The following OPN5 variants were observed in gnomAD, a reference collection of about 807,000 sequenced individuals.
OPN5 encodes opsin-5.
Under a neutral mutation model 41.7 loss-of-function variants are expected in OPN5, and 18 were observed. That is an observed-to-expected ratio of 0.43 (90% CI 0.30 to 0.64). OPN5 has a LOEUF of 0.64. Ranked by LOEUF, OPN5 falls within the 30% of genes least tolerant of loss-of-function variation. The pLI is 0.13. For missense variants in OPN5, 318 were observed against 434.5 expected (o/e 0.73, Z 2.38); for synonymous variants, 178 against 164.3 (o/e 1.08, Z -0.64).
At chr6:47,798,424 G>A (rs1009792201) in intron 4 of OPN5, among the ~76,000 whole-genome samples, 5 of 151,572 alleles carry the variant, frequency 3.3e-5, no homozygotes, top group Admixed American at 1.3e-4. Context: ...GTATTATTCC[G>A]CTTGACTTGG....
At chr6:47,824,318 G>T (rs1160875676) in exon 7 of OPN5, 1 of 367,570 alleles carries the variant, frequency 2.7e-6, no homozygotes, top group Admixed American at 4.0e-5. Context: ...TGTGAAAGCT[G>T]GCCTGAAAAG....
chr6:47,797,750 C>A (rs1018133065), intron 4 of OPN5, among the ~76,000 whole-genome samples: 1 of 152,204 alleles, frequency 6.6e-6, no homozygotes, highest in Non-Finnish European at 1.5e-5. Flanking sequence ...TTGGCCTTGA[C>A]ACTTTGTTGG....
At chr6:47,813,649 C>T (rs1762335616) in intron 6 of OPN5, among the ~76,000 whole-genome samples, 1 of 152,034 alleles carries the variant, frequency 6.6e-6, no homozygotes, top group Non-Finnish European at 1.5e-5. Flanking sequence ...GGATTGTCTG[C>T]ATGAGAGTGG....
At chr6:47,816,374 C>T (rs1581759669) in intron 6 of OPN5, among the ~76,000 whole-genome samples, 1 of 152,106 alleles carries the variant, frequency 6.6e-6, no homozygotes, top group African/African-American at 2.4e-5. Context: ...AATTGATTTG[C>T]ATATGTCTCT....
At chr6:47,792,246 T>G (rs1219706499) in intron 3 of OPN5, among the ~76,000 whole-genome samples, 1 of 152,216 alleles carries the variant, frequency 6.6e-6, no homozygotes, top group African/African-American at 2.4e-5. Flanking sequence ...TGTGTAAGCT[T>G]CCATCATGTT....
At chr6:47,786,709 T>C (rs1773203886) in intron 2 of OPN5, 75 bp downstream of exon 2, 2 of 1,309,886 alleles carry the variant, frequency 1.5e-6, no homozygotes, top group Admixed American at 3.7e-5. Context: ...GTCTCAAACG[T>C]CACCCCCTGA....
exon 4 of OPN5, chr6:47,795,286 C>T (rs764483406): frequency 3.1e-6 from 5 of 1,613,408 alleles, no homozygotes; most frequent in African/African-American, 1.3e-5. Flanking sequence ...TGGGCCTATG[C>T]TTCCTTCTGG....
At chr6:47,786,493 G>A (rs778981754) in intron 1 of OPN5, 22 bp from the exon 2 acceptor site, 2 of 1,594,830 alleles carry the variant, frequency 1.3e-6, no homozygotes, top group Non-Finnish European at 1.7e-6. Context: ...TTAACGATTG[G>A]AATTTTTATT....
At chr6:47,792,600 A>G (rs1773413249) in intron 3 of OPN5, among the ~76,000 whole-genome samples, 1 of 152,240 alleles carries the variant, frequency 6.6e-6, no homozygotes, top group Non-Finnish European at 1.5e-5. Flanking sequence ...TGATTAGACC[A>G]TTCTACAGGT....
At chr6:47,795,192 A>G in intron 3 of OPN5, 37 bp from the exon 4 acceptor site, 1 of 1,466,156 alleles carries the variant, frequency 6.8e-7, no homozygotes, top group Non-Finnish European at 9.2e-7. Flanking sequence ...GGTGTAGGGC[A>G]GATTACATCC....
chr6:47,813,113 C>CAAAAAA (rs1341179581), intron 6 of OPN5, among the ~76,000 whole-genome samples: 48 of 114,576 alleles, frequency 4.2e-4, no homozygotes, highest in African/African-American at 1.3e-3. Context: ...ACAACAACAA[C>CAAAAAA]AAGCAACAAC....
At chr6:47,788,788 G>A (rs2113951478) in intron 2 of OPN5, among the ~76,000 whole-genome samples, 1 of 102,706 alleles carries the variant, frequency 9.7e-6, no homozygotes, top group Non-Finnish European at 1.8e-5. Flanking sequence ...ATAAAGTCGT[G>A]TTATATTAGG....
intron 1 of OPN5, among the ~76,000 whole-genome samples, chr6:47,785,690 CT>C (rs1263106333): frequency 6.6e-6 from 1 of 152,270 alleles, no homozygotes; most frequent in East Asian, 1.9e-4. Context: ...GGGATTGGGT[CT>C]TTTTGGATTT....
In OPN5 at chr6:47,799,196, GTATATA is replaced by G. The variant is rs377613785; in HGVS notation, c.756+3650_756+3655del. Among the ~76,000 whole-genome samples the G allele has an allele frequency of 6.1e-5, 9 of 146,732 alleles. No individual in the cohort carries two copies. The South Asian group carries it at 8.6e-4, about 14-fold the overall frequency. On this transcript the variant is annotated intron_variant, in intron 4 of 6. Coordinates refer to ENST00000371211, the Ensembl canonical transcript of OPN5. ...CACAGGCTATAAACAGAGGTGTGAT[GTATATA>G]TATATATATATATATACACACACAC...
chr6:47,803,806 C>T (rs1020563330), intron 4 of OPN5, among the ~76,000 whole-genome samples: 5 of 152,160 alleles, frequency 3.3e-5, no homozygotes, highest in Non-Finnish European at 7.4e-5. Context: ...AGAAAATCAG[C>T]GATTCTGCCC....
rs115645443 is a variant in OPN5 at position 47,822,311 on chromosome 6, A to G, written c.1057-1672A>G. Among the ~76,000 whole-genome samples the G allele has an allele frequency of 8.6e-3, 1,308 of 152,288 alleles. 9 individuals carry two copies. Among genetic ancestry groups the G allele is most frequent in the Non-Finnish European group, 0.013 (902 of 68,016 alleles). ...TTTTGGAAGTAGTTTGGAAATAAAC[A>G]TGGACAAGAGTTTGTTATTCATTGA... On this transcript the variant is annotated intron_variant, in intron 6 of 6. Coordinates refer to ENST00000371211, the Ensembl canonical transcript of OPN5.
intron 4 of OPN5, 137 bp downstream of exon 4, chr6:47,795,700 G>T: frequency 3.2e-6 from 2 of 633,314 alleles, no homozygotes; most frequent in Non-Finnish European, 5.5e-6. Flanking sequence ...GTTGATGATT[G>T]TCTAAGCCTT....
At chr6:47,801,320 G>T (rs1189802620) in intron 4 of OPN5, among the ~76,000 whole-genome samples, 4 of 152,290 alleles carry the variant, frequency 2.6e-5, no homozygotes, top group Non-Finnish European at 2.9e-5. Flanking sequence ...TTGAACTCTG[G>T]CTCTAGGGCC....
At chr6:47,787,066 A>ACAGTTGAAGG (rs1773214616) in intron 2 of OPN5, 2 of 987,304 alleles carry the variant, frequency 2.0e-6, no homozygotes, top group South Asian at 4.7e-5. Flanking sequence ...ACAGTTGAAG[A>ACAGTTGAAGG]CAGTTGAAGG....
Sources: allele counts gnomAD v4.1 joint callset (sites outside exome capture counted in the v4.1 genomes callset), GRCh38; gene constraint gnomAD v4.1.1; transcripts MANE v1.5; gene names NCBI Gene and HGNC (gene_info 2026-07-23, HGNC 2026-07-21).